KCNH1: variants seen among roughly 807,000 people sequenced by gnomAD.
The protein encoded by KCNH1 is voltage-gated delayed rectifier potassium channel KCNH1.
In KCNH1, 27 loss-of-function variants were observed where a neutral mutation model predicts 69.2. The ratio of observed to expected loss-of-function variants is 0.39; its 90% CI spans 0.29 to 0.54. KCNH1 has a LOEUF of 0.54. Among genes scored for constraint, KCNH1 ranks in the 20% least tolerant of loss-of-function variants. The pLI is 0.68. For missense variants in KCNH1, 798 were observed against 1,261.6 expected, an observed-to-expected ratio of 0.63 and a Z score of 5.57; for synonymous variants, 456 against 487.7, an observed-to-expected ratio of 0.93 and a Z score of 0.86.
chr1:211,119,427 T>A (rs1691647223), intron 1 of KCNH1, among the ~76,000 whole-genome samples: 1 of 152,126 alleles, frequency 6.6e-6, no homozygotes, highest in African/African-American at 2.4e-5. Flanking sequence ...AATTAAAGAA[T>A]TGAAAGATAA....
chr1:210,887,183 C>A (rs1686632090), intron 7 of KCNH1, among the ~76,000 whole-genome samples: 1 of 152,166 alleles, frequency 6.6e-6, no homozygotes, highest in Non-Finnish European at 1.5e-5. Context: ...GCCCATCAGA[C>A]TAACAGCAGA....
chr1:210,752,447 G>A (rs978860860), intron 10 of KCNH1, among the ~76,000 whole-genome samples: 6 of 152,186 alleles, frequency 3.9e-5, no homozygotes, highest in African/African-American at 1.4e-4. Flanking sequence ...ATGTAGCTGC[G>A]CTTCATGAGA....
chr1:211,025,391 C>G (rs756002958), intron 5 of KCNH1, among the ~76,000 whole-genome samples: 4 of 152,256 alleles, frequency 2.6e-5, no homozygotes, highest in Non-Finnish European at 4.4e-5. Flanking sequence ...TAGAGGAACA[C>G]TTTCCACCCC....
At chr1:211,079,408 T>C (rs946372776) in intron 5 of KCNH1, among the ~76,000 whole-genome samples, 4 of 152,208 alleles carry the variant, frequency 2.6e-5, no homozygotes, top group African/African-American at 9.6e-5. Flanking sequence ...GCTGGTACCA[T>C]TCCTTCTGAA....
chr1:210,855,495 T>C (rs1054664108), intron 7 of KCNH1, among the ~76,000 whole-genome samples: 1 of 152,170 alleles, frequency 6.6e-6, no homozygotes, highest in African/African-American at 2.4e-5. Context: ...AGGCTGCAGA[T>C]GTCTGTTGAT....
intron 10 of KCNH1, among the ~76,000 whole-genome samples, chr1:210,730,731 C>T (rs562036939): frequency 1.4e-4 from 22 of 152,274 alleles, no homozygotes; most frequent in Admixed American, 7.2e-4. Context: ...CCTGGCCCTA[C>T]GGAAAAGCTC....
chr1:210,734,759 C>G (rs1682832207), intron 10 of KCNH1, among the ~76,000 whole-genome samples: 1 of 151,960 alleles, frequency 6.6e-6, no homozygotes. Flanking sequence ...ATGGGGCTTC[C>G]TAGGGCCTGG....
intron 7 of KCNH1, among the ~76,000 whole-genome samples, chr1:210,850,606 T>A (rs1025971034): frequency 6.6e-6 from 1 of 152,230 alleles, no homozygotes; most frequent in Non-Finnish European, 1.5e-5. Context: ...TTTGGAGATG[T>A]GCAGGCCTAT....
chr1:210,752,850 G>C (rs558998046), intron 10 of KCNH1, among the ~76,000 whole-genome samples: 36 of 152,184 alleles, frequency 2.4e-4, no homozygotes, highest in African/African-American at 8.4e-4. Flanking sequence ...AATTTAAGGA[G>C]CTCAAGATGA....
intron 8 of KCNH1, among the ~76,000 whole-genome samples, chr1:210,798,030 G>A (rs1312843220): frequency 6.9e-6 from 1 of 144,042 alleles, no homozygotes; most frequent in African/African-American, 2.7e-5. Flanking sequence ...AGGCTTCTCT[G>A]GGAAGGTGAC....
At chr1:210,685,574 C>T (rs77263670) in intron 10 of KCNH1, among the ~76,000 whole-genome samples, 11,497 of 152,276 alleles carry the variant, frequency 0.076, 568 homozygotes, top group Non-Finnish European at 0.12. Flanking sequence ...ATCTTAACTT[C>T]TGAGTCTCAG....
chr1:210,961,983 T>A (rs1688303884), intron 6 of KCNH1, among the ~76,000 whole-genome samples: 1 of 152,216 alleles, frequency 6.6e-6, no homozygotes, highest in Admixed American at 6.5e-5. Flanking sequence ...CTCTCTCTAA[T>A]CCTTTTGGGT....
At chr1:210,879,064 T>C (rs1686440480) in intron 7 of KCNH1, among the ~76,000 whole-genome samples, 1 of 151,928 alleles carries the variant, frequency 6.6e-6, no homozygotes, top group Admixed American at 6.6e-5. Context: ...AGAAACAATA[T>C]GCAAAGAAGA....
chr1:211,069,932 A>G (rs1690606038), intron 5 of KCNH1, among the ~76,000 whole-genome samples: 1 of 152,252 alleles, frequency 6.6e-6, no homozygotes, highest in South Asian at 2.1e-4. Flanking sequence ...TCCCTAAAAC[A>G]TTTCAGAAAA....
intron 1 of KCNH1, among the ~76,000 whole-genome samples, chr1:211,115,342 T>C (rs1446616749): frequency 6.6e-6 from 1 of 152,150 alleles, no homozygotes; most frequent in East Asian, 1.9e-4. Flanking sequence ...ATACTGAGTG[T>C]CAAATTGATT....
intron 7 of KCNH1, among the ~76,000 whole-genome samples, chr1:210,889,281 T>C (rs1163057098): frequency 4.6e-5 from 7 of 152,182 alleles, no homozygotes; most frequent in Non-Finnish European, 8.8e-5. Context: ...ATCCCTCTCA[T>C]AAACAGAACC....
At chr1:210,718,528 TAAA>T (rs1293952688) in intron 10 of KCNH1, among the ~76,000 whole-genome samples, 1 of 66,488 alleles carries the variant, frequency 1.5e-5, no homozygotes, top group African/African-American at 7.0e-5. Context: ...TGTATATATA[TAAA>T]ATATATACAT....
chr1:210,928,837 G>A (rs950470176), intron 6 of KCNH1, among the ~76,000 whole-genome samples: 2 of 151,952 alleles, frequency 1.3e-5, no homozygotes, highest in East Asian at 1.9e-4. Context: ...AATTACAAAC[G>A]AAACGAGAGA....
intron 7 of KCNH1, among the ~76,000 whole-genome samples, chr1:210,896,861 G>A (rs747242642): frequency 3.9e-5 from 6 of 152,178 alleles, no homozygotes; most frequent in Non-Finnish European, 8.8e-5. Context: ...AGGAGGTTGT[G>A]TATGGCTGTA....
Sources: allele counts gnomAD v4.1 joint callset (sites outside exome capture counted in the v4.1 genomes callset), GRCh38; gene constraint gnomAD v4.1.1; transcripts MANE v1.5; gene names NCBI Gene and HGNC (gene_info 2026-07-23, HGNC 2026-07-21).